Variants in GOLM1 observed in about 807,000 individuals in gnomAD.
The protein encoded by GOLM1 is epididymis luminal protein 46.
In GOLM1, 31 loss-of-function variants were observed where a neutral mutation model predicts 50.5. The observed-to-expected ratio is 0.61, with a 90% CI of 0.46 to 0.83. The LOEUF is 0.83. Among genes scored for constraint, GOLM1 ranks in the 40% least tolerant of loss-of-function variants. GOLM1 has a pLI of 0.00. For synonymous variants in GOLM1, 178 were observed against 192.8 expected (o/e 0.92, Z 0.64); for missense variants, 491 against 501.3 (o/e 0.98, Z 0.20).
rs533385534 is a variant in GOLM1 at position 86,052,886 on chromosome 9, T to A, written c.310-295A>T. Among the ~76,000 whole-genome samples, 10 of 81,992 alleles carry A rather than the reference T, an allele frequency of 1.2e-4. No homozygotes were observed. In the East Asian group the frequency reaches 2.9e-3, roughly 24 times the overall value. 53.8% of individuals were successfully genotyped at this position (81,992 alleles called of 152,430 possible). A position where few individuals can be genotyped will look rare whatever the true frequency, so the allele number is the denominator to read the frequency against. ...CAGGAAAGGGCCAGCCAGGCCCTCCTTCCTCCTGCCCGACACAGCAGAGGC... is the reference window on the plus strand; with the variant it reads ...CAGGAAAGGGCCAGCCAGGCCCTCCATCCTCCTGCCCGACACAGCAGAGGC... On this transcript the variant is annotated intron_variant, in intron 3 of 9. Coordinates refer to ENST00000388712, the MANE Select transcript of GOLM1 (RefSeq NM_016548.4).
chr9:86,062,771 C>A (rs769116058), intron 3 of GOLM1, among the ~76,000 whole-genome samples: 1 of 152,052 alleles, frequency 6.6e-6, no homozygotes, highest in Non-Finnish European at 1.5e-5. Context: ...TACACTGTCT[C>A]CTTTGGTAGC....
intron 8 of GOLM1, 157 bp downstream of exon 8, chr9:86,035,211 A>G: frequency 2.0e-6 from 2 of 985,358 alleles, no homozygotes; most frequent in Non-Finnish European, 1.2e-6. Flanking sequence ...CCCTCTTGAT[A>G]ACGAATAAGA....
chr9:86,027,770 T>C lies in GOLM1; in HGVS notation c.*47A>G, dbSNP rs773682580. On this transcript the variant is annotated 3_prime_UTR_variant, in exon 10 of 10. Coordinates refer to ENST00000388712, the MANE Select transcript of GOLM1 (RefSeq NM_016548.4). ...TATTCAGTCCCTCATGAACATTTTATAGTCATCTCTTCGGCCCTGTTGTGA... is the reference window on the plus strand; with the variant it reads ...TATTCAGTCCCTCATGAACATTTTACAGTCATCTCTTCGGCCCTGTTGTGA... The C allele has an allele frequency of 4.4e-6, 7 of 1,595,444 alleles. No individual in the cohort carries two copies. The highest frequency in any genetic ancestry group is 3.4e-5 in the South Asian group (3 of 87,660).
At chr9:86,068,815 T>C (rs1251041887) in intron 3 of GOLM1, among the ~76,000 whole-genome samples, 1 of 152,208 alleles carries the variant, frequency 6.6e-6, no homozygotes, top group East Asian at 1.9e-4. Flanking sequence ...GTTCAAAACA[T>C]AGTTACCAGT....
At chr9:86,044,618 A>G (rs115482034) in intron 5 of GOLM1, among the ~76,000 whole-genome samples, 2,097 of 152,360 alleles carry the variant, frequency 0.014, 46 homozygotes, top group African/African-American at 0.046. Context: ...TGTTTTAAAT[A>G]TAATGCAAGT....
chr9:86,088,183 C>T (rs7866501), intron 1 of GOLM1, among the ~76,000 whole-genome samples: 36,437 of 151,500 alleles, frequency 0.24, 7,443 homozygotes, highest in African/African-American at 0.53. Flanking sequence ...TTTATGTGTC[C>T]AGGAATTTAT....
intron 3 of GOLM1, among the ~76,000 whole-genome samples, chr9:86,053,568 CAT>C (rs751824638): frequency 0.6 from 492 of 822 alleles, 139 homozygotes; most frequent in Non-Finnish European, 0.68. Context: ...CACACACACA[CAT>C]CACACACACC....
intron 6 of GOLM1, among the ~76,000 whole-genome samples, chr9:86,039,954 C>T (rs972742131): frequency 1.4e-5 from 2 of 142,006 alleles, no homozygotes; most frequent in Non-Finnish European, 3.0e-5. Flanking sequence ...GGTGAGAGAG[C>T]GAGATGCCCT....
chr9:86,031,327 G>A (rs1832973906), intron 9 of GOLM1, among the ~76,000 whole-genome samples: 1 of 151,664 alleles, frequency 6.6e-6, no homozygotes, highest in Admixed American at 6.6e-5. Flanking sequence ...AGTTTATGAT[G>A]ATATTTTAAA....
chr9:86,046,238 T>C lies in GOLM1; in HGVS notation c.467+232A>G, dbSNP rs542393110. Among the ~76,000 whole-genome samples, 11 of 152,360 alleles carry C rather than the reference T, an allele frequency of 7.2e-5. No individual in the cohort carries two copies. The South Asian group carries it at 1.7e-3, about 23-fold the overall frequency. On this transcript the variant is annotated intron_variant, in intron 5 of 9. Transcript: ENST00000388712. The stretch of plus-strand genomic sequence containing the variant: ...TGACTTAACCAGTACACCTGTGCCT[T>C]ACAGAGTTTTAAGTTACATTTTAAG...
intron 8 of GOLM1, 24 bp downstream of exon 8, chr9:86,035,344 C>A (rs41306237): frequency 1.9e-6 from 3 of 1,606,400 alleles, no homozygotes; most frequent in African/African-American, 2.7e-5. Context: ...GAGTCCACAG[C>A]GGCCCCCGAA....
intron 9 of GOLM1, among the ~76,000 whole-genome samples, chr9:86,030,876 G>A (rs1373600652): frequency 2.0e-5 from 3 of 152,184 alleles, no homozygotes; most frequent in Non-Finnish European, 4.4e-5. Flanking sequence ...AAAAATGTAA[G>A]TATTAAAACA....
At chr9:86,098,249 A>C (rs1424540815) in intron 1 of GOLM1, among the ~76,000 whole-genome samples, 1 of 150,468 alleles carries the variant, frequency 6.6e-6, no homozygotes, top group Non-Finnish European at 1.5e-5. Context: ...TCTATTAAGA[A>C]AGAAAGTAAT....
At chr9:86,036,304 G>A (rs752871140) in intron 7 of GOLM1, 44 bp downstream of exon 7, 1 of 1,602,622 alleles carries the variant, frequency 6.2e-7, no homozygotes, top group Non-Finnish European at 8.5e-7. Flanking sequence ...CTCTGATGGG[G>A]CTCTGGAGAG....
At chr9:86,046,052 A>G (rs1379144675) in intron 5 of GOLM1, among the ~76,000 whole-genome samples, 1 of 152,194 alleles carries the variant, frequency 6.6e-6, no homozygotes, top group Non-Finnish European at 1.5e-5. Context: ...AAAAATTGGG[A>G]AAATCACTGA....
At chr9:86,033,132 T>A in intron 9 of GOLM1, 150 bp downstream of exon 9, 1 of 604,932 alleles carries the variant, frequency 1.7e-6, no homozygotes, top group Non-Finnish European at 3.0e-6. Flanking sequence ...CCACTGCCCC[T>A]GGTTTAAAAG....
intron 3 of GOLM1, among the ~76,000 whole-genome samples, chr9:86,067,602 C>G (rs1227725691): frequency 6.6e-6 from 1 of 152,200 alleles, no homozygotes; most frequent in African/African-American, 2.4e-5. Flanking sequence ...AGTGACCACA[C>G]TCATTTCCAA....
At chr9:86,044,639 T>A (rs1478147050) in intron 5 of GOLM1, among the ~76,000 whole-genome samples, 1 of 152,218 alleles carries the variant, frequency 6.6e-6, no homozygotes, top group African/African-American at 2.4e-5. Context: ...AATGTAATTT[T>A]TTAAATTTAA....
At chr9:86,077,768 A>T in intron 2 of GOLM1, 177 bp from the exon 3 acceptor site, 1 of 567,720 alleles carries the variant, frequency 1.8e-6, no homozygotes, top group Non-Finnish European at 3.1e-6. Context: ...TTTCTTCTGG[A>T]AAAAATGGTC....
Sources: allele counts gnomAD v4.1 joint callset (sites outside exome capture counted in the v4.1 genomes callset), GRCh38; gene constraint gnomAD v4.1.1; transcripts MANE v1.5; gene names NCBI Gene and HGNC (gene_info 2026-07-23, HGNC 2026-07-21).